Variants in NRG3 observed in about 807,000 individuals in gnomAD.
The protein encoded by NRG3 is neuregulin 3, also known as pro-neuregulin-3, membrane-bound isoform.
Under a neutral mutation model 66.9 loss-of-function variants are expected in NRG3, and 31 were observed. The observed-to-expected ratio is 0.46, with a 90% CI of 0.35 to 0.63. The LOEUF (loss-of-function observed/expected upper bound fraction) is 0.63. Among genes scored for constraint, NRG3 ranks in the 20% least tolerant of loss-of-function variants. The pLI, the probability that NRG3 is intolerant of heterozygous loss-of-function variation, is 0.00. For missense variants in NRG3, 910 were observed against 878.9 expected, an observed-to-expected ratio of 1.04 and a Z score of -0.45; for synonymous variants, 393 against 359.4, an observed-to-expected ratio of 1.09 and a Z score of -1.06.
intron 1 of NRG3, among the ~76,000 whole-genome samples, chr10:82,253,990 C>T (rs1415168624): frequency 6.6e-6 from 1 of 152,202 alleles, no homozygotes; most frequent in East Asian, 1.9e-4. Context: ...ACCCAGCTTT[C>T]ACTATTTCAA....
chr10:82,251,167 C>T (rs1042347544), intron 1 of NRG3, among the ~76,000 whole-genome samples: 2 of 152,120 alleles, frequency 1.3e-5, no homozygotes, highest in African/African-American at 2.4e-5. Flanking sequence ...CTATCCTATT[C>T]CCCCTGGCAC....
At chr10:82,284,117 G>A (rs1237554519) in intron 1 of NRG3, among the ~76,000 whole-genome samples, 1 of 152,190 alleles carries the variant, frequency 6.6e-6, no homozygotes, top group Admixed American at 6.5e-5. Context: ...TGATGTTAGT[G>A]ACAAATGTAC....
At chr10:82,777,571 C>T (rs1026103432) in intron 3 of NRG3, among the ~76,000 whole-genome samples, 3 of 152,108 alleles carry the variant, frequency 2.0e-5, no homozygotes, top group African/African-American at 7.2e-5. Context: ...TAGCTTGAAA[C>T]CAAGAGAACA....
chr10:82,200,517 G>A (rs905057480), intron 1 of NRG3, among the ~76,000 whole-genome samples: 2 of 152,166 alleles, frequency 1.3e-5, no homozygotes, highest in African/African-American at 4.8e-5. Flanking sequence ...TTTCTCACAA[G>A]GAATGAGGGG....
At chr10:82,907,725 A>G (rs1232810587) in intron 4 of NRG3, among the ~76,000 whole-genome samples, 2 of 152,194 alleles carry the variant, frequency 1.3e-5, no homozygotes, top group Non-Finnish European at 2.9e-5. Flanking sequence ...AAGGTTTTCC[A>G]TTTAATTCCA....
intron 1 of NRG3, among the ~76,000 whole-genome samples, chr10:82,322,958 C>T (rs1382634099): frequency 1.3e-5 from 2 of 152,048 alleles, no homozygotes; most frequent in South Asian, 2.1e-4. Flanking sequence ...TTCCGTCTGG[C>T]GTACTGTTAT....
At position 82,568,932 on chromosome 10, in the gene NRG3, C is replaced by CT. The variant is rs144979736; in HGVS notation, c.954-169642dup. 1.9e-3 allele frequency among the ~76,000 whole-genome samples: 288 copies of CT among 151,900 alleles called. 1 individual carries two copies. Among genetic ancestry groups the CT allele is most frequent in the African/African-American group, 6.4e-3 (267 of 41,508 alleles). On this transcript the variant is annotated intron_variant, in intron 2 of 8. Transcript: ENST00000372141. Reference sequence around the variant, plus strand: ...CTCTACATCACTGCCTCTGATGTCCCTTTACCATTAGTGCTTTAACTGAAT... The same window carrying CT: ...CTCTACATCACTGCCTCTGATGTCCCTTTTACCATTAGTGCTTTAACTGAAT...
At chr10:82,285,142 C>CA (rs1268008815) in intron 1 of NRG3, among the ~76,000 whole-genome samples, 2 of 152,104 alleles carry the variant, frequency 1.3e-5, no homozygotes, top group African/African-American at 2.4e-5. Flanking sequence ...TAGCCCCGAG[C>CA]AAAAAAACAT....
chr10:82,805,976 C>T (rs954320274), intron 3 of NRG3, among the ~76,000 whole-genome samples: 3 of 152,116 alleles, frequency 2.0e-5, no homozygotes, highest in African/African-American at 7.2e-5. Flanking sequence ...TTTTCTGAAA[C>T]ATCAACTGAG....
chr10:82,918,128 T>TA (rs1324693666), intron 4 of NRG3, among the ~76,000 whole-genome samples: 1 of 152,006 alleles, frequency 6.6e-6, no homozygotes, highest in Non-Finnish European at 1.5e-5. Context: ...AAATATGCTC[T>TA]AATCACCAGT....
intron 3 of NRG3, among the ~76,000 whole-genome samples, chr10:82,826,923 A>G (rs2062241760): frequency 1.3e-5 from 2 of 152,138 alleles, no homozygotes; most frequent in Admixed American, 1.3e-4. Flanking sequence ...ATGTTGAAAA[A>G]AAAAGCCACT....
chr10:82,552,165 A>AT (rs111545334), intron 2 of NRG3, among the ~76,000 whole-genome samples: 40 of 151,072 alleles, frequency 2.6e-4, no homozygotes, highest in African/African-American at 8.8e-4. Context: ...CAAAATCCAT[A>AT]TTTTTTTTTA....
chr10:82,651,748 G>T (rs2051432644), intron 2 of NRG3, among the ~76,000 whole-genome samples: 1 of 152,152 alleles, frequency 6.6e-6, no homozygotes, highest in African/African-American at 2.4e-5. Context: ...GCGTGTAATG[G>T]TTGGAGGCCA....
intron 2 of NRG3, among the ~76,000 whole-genome samples, chr10:82,390,113 A>G (rs983301237): frequency 1.3e-5 from 2 of 152,230 alleles, no homozygotes; most frequent in African/African-American, 4.8e-5. Context: ...AAACAAGAGT[A>G]CAAACCTATC....
rs937089748 is a variant in NRG3, at chr10:82,019,743, C to G, written c.823+143580C>G. Among the ~76,000 whole-genome samples the G allele has an allele frequency of 2.6e-5, 4 of 152,202 alleles. No individual in the cohort carries two copies. In the East Asian group the frequency reaches 7.7e-4, roughly 29 times the overall value. ...TTTGCGTAGAGGTGTTTATAGTATT[C>G]TCTGATGGTAGTTTGTATTTCTGTG... On this transcript the variant is annotated intron_variant, in intron 1 of 8. Transcript: ENST00000372141.
rs182954108 is a variant in NRG3, at chr10:82,514,245, G to T, written c.953+155377G>T. Among the ~76,000 whole-genome samples, 179 of 152,186 alleles carry T rather than the reference G, an allele frequency of 1.2e-3. 1 individual carries two copies. The highest frequency in any genetic ancestry group is 4.0e-3 in the African/African-American group (167 of 41,540). On this transcript the variant is annotated intron_variant, in intron 2 of 8. Transcript: ENST00000372141. The stretch of plus-strand genomic sequence containing the variant: ...TGTTGCAATTGCTTTTGACATTTCT[G>T]TCATGAAGTCTTTGCCCATCTATGT...
chr10:82,357,690 A>G (rs780433337), intron 1 of NRG3, among the ~76,000 whole-genome samples: 7 of 152,136 alleles, frequency 4.6e-5, no homozygotes, highest in African/African-American at 1.7e-4. Flanking sequence ...GACCTTATCC[A>G]TTCCTGATTA....
chr10:82,078,831 A>T (rs1164240438), intron 1 of NRG3, among the ~76,000 whole-genome samples: 2 of 152,204 alleles, frequency 1.3e-5, no homozygotes, highest in Non-Finnish European at 2.9e-5. Flanking sequence ...TAAGTTGCAC[A>T]GAACATCCCA....
intron 2 of NRG3, among the ~76,000 whole-genome samples, chr10:82,452,950 T>C (rs2091088348): frequency 6.6e-6 from 1 of 152,110 alleles, no homozygotes; most frequent in Non-Finnish European, 1.5e-5. Flanking sequence ...CCCACTTAGA[T>C]GCAAGGGGTT....
Sources: gnomAD v4.1 joint callset for allele counts (sites outside exome capture counted in the v4.1 genomes callset) on GRCh38, gnomAD v4.1.1 for gene constraint, MANE v1.5 for transcripts, NCBI Gene and HGNC (gene_info 2026-07-23, HGNC 2026-07-21) for gene names.